Variants in EPSTI1 observed in about 807,000 individuals in gnomAD.
The protein encoded by EPSTI1 is epithelial-stromal interaction protein 1.
Under a neutral mutation model 49.9 loss-of-function variants are expected in EPSTI1, and 66 were observed. The ratio of observed to expected loss-of-function variants is 1.32; its 90% CI spans 1.08 to 1.62. The LOEUF is 1.62. Among genes scored for constraint, EPSTI1 ranks in the 40% most tolerant of loss-of-function variants. The pLI, the probability that EPSTI1 is intolerant of heterozygous loss-of-function variation, is 0.00. For missense variants in EPSTI1, 394 were observed against 365.5 expected, an observed-to-expected ratio of 1.08 and a Z score of -0.64; for synonymous variants, 137 against 130.7, an observed-to-expected ratio of 1.05 and a Z score of -0.33.
At chr13:42,979,175 A>G (rs1367536623) in intron 1 of EPSTI1, among the ~76,000 whole-genome samples, 2 of 152,252 alleles carry the variant, frequency 1.3e-5, no homozygotes, top group Non-Finnish European at 2.9e-5. Flanking sequence ...CTTCATAAGA[A>G]AAGTTCTTTT....
At chr13:42,928,345 C>T (rs951248608) in intron 6 of EPSTI1, among the ~76,000 whole-genome samples, 1 of 152,096 alleles carries the variant, frequency 6.6e-6, no homozygotes, top group Admixed American at 6.6e-5. Flanking sequence ...TTATATTTAA[C>T]AAAAATAAGA....
At chr13:42,919,340 A>G in intron 7 of EPSTI1, 1 of 1,613,068 alleles carries the variant, frequency 6.2e-7, no homozygotes, top group Non-Finnish European at 8.5e-7. Flanking sequence ...TTTCTGTTCA[A>G]AAATAATAGA....
At chr13:42,963,393 A>C in intron 4 of EPSTI1, 55 bp from the exon 5 acceptor site, 1 of 1,356,594 alleles carries the variant, frequency 7.4e-7, no homozygotes, top group Non-Finnish European at 1.0e-6. Context: ...TTCAGTCTGA[A>C]CTCTGGAACA....
chr13:42,974,432 C>T (rs1046346706), intron 1 of EPSTI1, among the ~76,000 whole-genome samples: 16 of 152,082 alleles, frequency 1.1e-4, no homozygotes, highest in Middle Eastern at 3.4e-3. Flanking sequence ...CCAGGGCGGG[C>T]GGATCACGAG....
intron 8 of EPSTI1, among the ~76,000 whole-genome samples, chr13:42,912,126 C>T (rs1365717269): frequency 6.6e-6 from 1 of 152,132 alleles, no homozygotes; most frequent in Non-Finnish European, 1.5e-5. Flanking sequence ...TCAATAAATG[C>T]AATCAGCTTA....
chr13:42,981,764 T>C (rs1387688439), intron 1 of EPSTI1, among the ~76,000 whole-genome samples: 2 of 152,226 alleles, frequency 1.3e-5, no homozygotes, highest in South Asian at 4.1e-4. Context: ...ATGAAATCAA[T>C]TCAGTGGATT....
At chr13:42,895,815 AG>A (rs1263708329) in intron 9 of EPSTI1, among the ~76,000 whole-genome samples, 2 of 152,220 alleles carry the variant, frequency 1.3e-5, no homozygotes. Flanking sequence ...GCACTGCAAT[AG>A]GTACCCTATG....
intron 6 of EPSTI1, chr13:42,934,712 T>C: frequency 5.8e-6 from 1 of 172,102 alleles, no homozygotes. Flanking sequence ...TCAACCAGAC[T>C]ACTAATGAGT....
At chr13:42,936,271 C>G (rs2038559601) in intron 6 of EPSTI1, among the ~76,000 whole-genome samples, 1 of 152,166 alleles carries the variant, frequency 6.6e-6, no homozygotes, top group Non-Finnish European at 1.5e-5. Flanking sequence ...GATTCCGCAG[C>G]CTCATCCAGT....
chr13:42,896,570 C>T (rs2037194674), intron 9 of EPSTI1, among the ~76,000 whole-genome samples: 1 of 152,200 alleles, frequency 6.6e-6, no homozygotes, highest in Non-Finnish European at 1.5e-5. Flanking sequence ...CCATGGATAC[C>T]ATTCTAGTTC....
intron 6 of EPSTI1, among the ~76,000 whole-genome samples, chr13:42,947,932 C>T (rs1408499075): frequency 1.3e-5 from 2 of 152,350 alleles, no homozygotes; most frequent in African/African-American, 4.8e-5. Flanking sequence ...TCATCAATAA[C>T]GAGGCAGGCC....
At position 42,917,541 on chromosome 13, in the gene EPSTI1, C is replaced by G; in HGVS notation, c.741G>C (p.Lys247Asn). The G allele has an allele frequency of 6.6e-6, 10 of 1,521,306 alleles. No homozygotes were observed. The highest frequency in any genetic ancestry group is 8.9e-6 in the Non-Finnish European group (10 of 1,120,910). The allele number at this position is 1,521,306 out of a possible 1,614,324, so 94.2% of individuals were successfully genotyped here. A position where few individuals can be genotyped will look rare whatever the true frequency, so the allele number is the denominator to read the frequency against. ...LQKMKDEQHQ[K>N]SELLELKRQQ... ...ATAACTAGTAGGGGCTTGTAAGTAC[C>G]TTTTGATGTTGTTCATCCTTCATCT... Residue 247 changes from lysine to asparagine, a missense_variant and splice_region_variant, in exon 8 of 11, where the codon AAG becomes AAC. Coordinates refer to ENST00000313624, the MANE Select transcript of EPSTI1 (RefSeq NM_033255.5).
chr13:42,926,270 C>T (rs918927144), intron 7 of EPSTI1, 66 bp downstream of exon 7: 6 of 917,504 alleles, frequency 6.5e-6, no homozygotes, highest in African/African-American at 6.5e-5. Flanking sequence ...CTATATCCCT[C>T]ATCTTCAGTC....
intron 1 of EPSTI1, among the ~76,000 whole-genome samples, chr13:42,988,849 GGTTTATTTATTT>G (rs1403978073): frequency 1.9e-5 from 1 of 52,468 alleles, no homozygotes; most frequent in Non-Finnish European, 4.7e-5. Flanking sequence ...GCAAATAGGT[GGTTTATTTATTT>G]ATTTATTTAT....
rs71202240 is a variant in EPSTI1 at position 42,887,675 on chromosome 13, A to G, written c.*819T>C. ...GTCACAGAAGTGAATAAGAAAGCCA[A>G]CTGAACTAGCAATAGGAAATAGGTT... On this transcript the variant is annotated 3_prime_UTR_variant, in exon 11 of 11. Coordinates refer to ENST00000313624, the MANE Select transcript of EPSTI1 (RefSeq NM_033255.5). 1 of 152,288 alleles carries G rather than the reference A, an allele frequency of 6.6e-6. No individual in the cohort carries two copies. Among genetic ancestry groups the G allele is most frequent in the Non-Finnish European group, 1.5e-5 (1 of 68,100 alleles). The allele number at this position is 152,288 out of a possible 1,614,324, so 9.4% of individuals were successfully genotyped here. A position where few individuals can be genotyped will look rare whatever the true frequency, so the allele number is the denominator to read the frequency against.
chr13:42,945,366 A>G (rs888770093), intron 6 of EPSTI1, among the ~76,000 whole-genome samples: 7 of 152,142 alleles, frequency 4.6e-5, no homozygotes, highest in Admixed American at 6.5e-5. Context: ...CCCACAACAC[A>G]TGGGAATTAT....
chr13:42,964,253 A>C, intron 3 of EPSTI1, 114 bp from the exon 4 acceptor site: 3 of 713,044 alleles, frequency 4.2e-6, no homozygotes, highest in East Asian at 6.0e-5. Flanking sequence ...TAACATTCTC[A>C]TGCTCTTGCA....
At position 42,900,333 on chromosome 13, in the gene EPSTI1, T is replaced by C; in HGVS notation, c.792A>G (p.Lys264=). 1 of 1,613,774 alleles carries C rather than the reference T, an allele frequency of 6.2e-7. No homozygotes were observed. The change falls in exon 9 of 11, where the codon AAA becomes AAG. Residue 264 remains lysine (K), a synonymous_variant. Transcript: ENST00000313624. ...ACCTCCTGTGTTCAGTCTGGTGGAT[T>C]TTGGCTCTTTCTTGCTCTTGCTGCT... ...KRQQQEQERA[K]IHQTEHRRVN... is the part of the protein sequence containing the mutation.
intron 6 of EPSTI1, among the ~76,000 whole-genome samples, chr13:42,951,258 T>C (rs2039087561): frequency 6.6e-6 from 1 of 152,248 alleles, no homozygotes; most frequent in African/African-American, 2.4e-5. Flanking sequence ...AGACGATCCA[T>C]CTTTTATAAG....
Sources: gnomAD v4.1 joint callset for allele counts (sites outside exome capture counted in the v4.1 genomes callset) on GRCh38, gnomAD v4.1.1 for gene constraint, MANE v1.5 for transcripts, NCBI Gene and HGNC (gene_info 2026-07-23, HGNC 2026-07-21) for gene names.